The following PCDHGB3 variants were observed in gnomAD, a reference collection of about 807,000 sequenced individuals.
PCDHGB3 encodes protocadherin gamma-B3.
Under a neutral mutation model 59.2 loss-of-function variants are expected in PCDHGB3, and 40 were observed. The observed-to-expected ratio is 0.68, with a 90% CI of 0.52 to 0.88. The LOEUF (loss-of-function observed/expected upper bound fraction) is 0.88. PCDHGB3 is among the 40% of genes least tolerant of loss of function. The probability of loss-of-function intolerance (pLI) is 0.00; values close to 1 mark genes in which losing one functional copy is unlikely to be tolerated. For missense variants in PCDHGB3, 1,309 were observed against 1,187.9 expected (o/e 1.10, Z -1.50); for synonymous variants, 581 against 503.6 (o/e 1.15, Z -2.06).
chr5:141,477,453 A>G lies in PCDHGB3; in HGVS notation c.2416-17354A>G, dbSNP rs886363658. 1 of 1,614,018 alleles carries G rather than the reference A, an allele frequency of 6.2e-7. No homozygotes were observed. Among genetic ancestry groups the G allele is most frequent in the African/African-American group, 1.3e-5 (1 of 74,910 alleles). The stretch of plus-strand genomic sequence containing the variant: ...TCAGCCCTTACAATAGTGCGTGTTC[A>G]AGTGTCCGACATCAATGACAACCCT... On this transcript the variant is annotated intron_variant, in intron 1 of 3. Coordinates refer to ENST00000576222, the MANE Select transcript of PCDHGB3 (RefSeq NM_018924.5). This position sits in a 1 kb window ranked among gnomAD's most constrained non-coding sequence, Gnocchi z 4.9.
intron 1 of PCDHGB3, chr5:141,378,751 G>C (rs72790019): frequency 1.3e-5 from 2 of 152,014 alleles, no homozygotes; most frequent in African/African-American, 4.8e-5. Context: ...AAGAAAAAAG[G>C]GATTATCATT....
intron 1 of PCDHGB3, chr5:141,395,376 T>G (rs1589259426): frequency 1.7e-6 from 2 of 1,180,196 alleles, no homozygotes; most frequent in East Asian, 5.2e-5. Flanking sequence ...TTTGGTGGTG[T>G]TACTATAAAA....
At chr5:141,374,919 A>G in intron 1 of PCDHGB3, 2 of 1,613,932 alleles carry the variant, frequency 1.2e-6, no homozygotes, top group Non-Finnish European at 1.7e-6. Flanking sequence ...GAAGTAACTT[A>G]TTCCTTTGTG....
At position 141,505,514 on chromosome 5, in the gene PCDHGB3, G is replaced by A. The variant is rs758026551; in HGVS notation, c.2563+33G>A. The A allele has an allele frequency of 1.2e-5, 20 of 1,613,682 alleles. No homozygotes were observed. The South Asian group carries it at 1.8e-4, about 14-fold the overall frequency. ...GTGTCAGTGTGTGTATGGAAGAGTGGGAGACCTGGGGTTCTGGGGTGCATC... is the reference window on the plus strand; with the variant it reads ...GTGTCAGTGTGTGTATGGAAGAGTGAGAGACCTGGGGTTCTGGGGTGCATC... On this transcript the variant is annotated intron_variant, in intron 3 of 3. Transcript: ENST00000576222.
intron 1 of PCDHGB3, among the ~76,000 whole-genome samples, chr5:141,492,586 G>C (rs1451055991): frequency 6.6e-6 from 1 of 152,220 alleles, no homozygotes; most frequent in Admixed American, 6.5e-5. Context: ...GGGGCCAGGA[G>C]CGCTGGAGCG....
chr5:141,410,458 T>C (rs776990737), intron 1 of PCDHGB3: 9 of 1,613,922 alleles, frequency 5.6e-6, no homozygotes, highest in Middle Eastern at 3.3e-4. Context: ...CTTATTCTTA[T>C]AATCTGTGCA....
At chr5:141,506,130 GAGA>G (rs560751517) in intron 3 of PCDHGB3, among the ~76,000 whole-genome samples, 2 of 152,170 alleles carry the variant, frequency 1.3e-5, no homozygotes, top group Admixed American at 1.3e-4. Context: ...CCCAGAGCAG[GAGA>G]AGAAGAATAT....
rs763758826 is a variant in PCDHGB3 at position 141,371,829 on chromosome 5, C to G, written c.1435C>G (p.Pro479Ala). 13 of 1,613,692 alleles carry G rather than the reference C, an allele frequency of 8.1e-6. No homozygotes were observed. The highest frequency in any genetic ancestry group is 1.0e-5 in the Non-Finnish European group (12 of 1,179,912). Residue 479 changes from proline (P) to alanine (A), a missense_variant, in exon 1 of 4, where the codon CCC becomes GCC. Transcript: ENST00000576222. ...CATTGCGCATGTCAGAGCCTCGGAT[C>G]CCGACTTGGGACCTAATGGCCTTGT... ...ASIAHVRASD[P>A]DLGPNGLVSY...
intron 1 of PCDHGB3, chr5:141,479,660 A>G (rs1206947602): frequency 6.6e-6 from 1 of 152,266 alleles, no homozygotes; most frequent in African/African-American, 2.4e-5. Flanking sequence ...ACAATCCCAG[A>G]AACTACAAAA....
Position 141,457,874 on chromosome 5 carries a change from G to A in PCDHGB3, c.2416-36933G>A, listed in dbSNP as rs1592531610. Among the ~76,000 whole-genome samples, 7 of 152,320 alleles carry A rather than the reference G, an allele frequency of 4.6e-5. No homozygotes were observed. In the South Asian group the frequency reaches 1.5e-3, roughly 32 times the overall value. On this transcript the variant is annotated intron_variant, in intron 1 of 3. Transcript: ENST00000576222. ...ACATTCTTCACTGACCACAGGTTAGGAACCCTGTGTGGGGACTGTGTAGAC... is the reference window on the plus strand; with the variant it reads ...ACATTCTTCACTGACCACAGGTTAGAAACCCTGTGTGGGGACTGTGTAGAC...
At chr5:141,401,861 G>A (rs934405271) in intron 1 of PCDHGB3, among the ~76,000 whole-genome samples, 3 of 152,122 alleles carry the variant, frequency 2.0e-5, no homozygotes, top group African/African-American at 7.2e-5. Context: ...TAACCTTTCA[G>A]TAGTTTTCTT....
At chr5:141,423,558 G>A (rs770532900) in intron 1 of PCDHGB3, 1 of 1,613,462 alleles carries the variant, frequency 6.2e-7, no homozygotes, top group African/African-American at 1.3e-5. Flanking sequence ...CCAACTATGG[G>A]GACACGCTCA....
At chr5:141,400,629 C>A (rs1416723451) in intron 1 of PCDHGB3, 1 of 1,389,786 alleles carries the variant, frequency 7.2e-7, no homozygotes, top group African/African-American at 1.4e-5. Context: ...TTAGGGAAGT[C>A]AGAGCTGCTC....
At chr5:141,385,101 C>T (rs1373310406) in intron 1 of PCDHGB3, 1 of 1,614,078 alleles carries the variant, frequency 6.2e-7, no homozygotes, top group Admixed American at 1.7e-5. Flanking sequence ...GCTTGGCGAA[C>T]GTGCCCACCT....
intron 2 of PCDHGB3, among the ~76,000 whole-genome samples, chr5:141,498,971 G>GGAA (rs2099787559): frequency 9.0e-6 from 1 of 110,972 alleles, no homozygotes; most frequent in African/African-American, 3.6e-5. Flanking sequence ...GAGGGAGGGA[G>GGAA]GGAAGGAAGG....
At chr5:141,383,710 G>C (rs1388027066) in intron 1 of PCDHGB3, 1 of 1,613,992 alleles carries the variant, frequency 6.2e-7, no homozygotes. Flanking sequence ...CGACCTGGAC[G>C]AGGGAGTCAA....
rs377138746 is a variant in PCDHGB3 at position 141,432,481 on chromosome 5, C to T, written c.2415+59672C>T. ...CCCTCCCCACGGACGGTTCCACTGG[C>T]GTGGAGCTGGCTCCCCGCTCCGCAG... On this transcript the variant is annotated intron_variant, in intron 1 of 3. Transcript: ENST00000576222. This position sits in a 1 kb window ranked among gnomAD's most constrained non-coding sequence, Gnocchi z 6.0. The T allele has an allele frequency of 1.1e-5, 17 of 1,614,198 alleles. No individual in the cohort carries two copies. The African/African-American group carries it at 1.7e-4, about 16-fold the overall frequency.
chr5:141,399,751 G>C, intron 1 of PCDHGB3: 1 of 1,613,322 alleles, frequency 6.2e-7, no homozygotes, highest in South Asian at 1.1e-5. Context: ...CAGCGCAAAC[G>C]TGAGCCTGCG....
Position 141,486,829 on chromosome 5 carries a change from T to A in PCDHGB3, c.2416-7978T>A. 1 of 1,614,178 alleles carries A rather than the reference T, an allele frequency of 6.2e-7. No individual in the cohort carries two copies. On this transcript the variant is annotated intron_variant, in intron 1 of 3. Coordinates refer to ENST00000576222, the MANE Select transcript of PCDHGB3 (RefSeq NM_018924.5). The surrounding 1 kb of genome is among the most constrained non-coding windows in gnomAD (Gnocchi z 5.0). ...CCCTTAGCAGCACTGTAACAGTTCG[T>A]CTATTTGTGCTGGACCTCAATGACA...
Sources: allele counts gnomAD v4.1 joint callset (sites outside exome capture counted in the v4.1 genomes callset), GRCh38; gene constraint gnomAD v4.1.1; non-coding constraint Gnocchi (gnomAD v3.1); transcripts MANE v1.5; gene names NCBI Gene and HGNC (gene_info 2026-07-23, HGNC 2026-07-21).